The following SBF2 variants were observed in gnomAD, a reference collection of about 807,000 sequenced individuals.
SBF2 encodes SET binding factor 2.
SBF2 carries 112 observed loss-of-function variants against 225.2 expected under a neutral mutation model. That is an observed-to-expected ratio of 0.50 (90% CI 0.43 to 0.58). SBF2 has a LOEUF of 0.58. Ranked by LOEUF, SBF2 falls within the 20% of genes least tolerant of loss-of-function variation. The pLI, the probability that SBF2 is intolerant of heterozygous loss-of-function variation, is 0.00. For missense variants in SBF2, 1,996 were observed against 2,206.2 expected (o/e 0.90, Z 1.91); for synonymous variants, 763 against 773.3 (o/e 0.99, Z 0.22).
intron 16 of SBF2, among the ~76,000 whole-genome samples, chr11:9,947,886 A>C (rs945394689): frequency 1.1e-4 from 17 of 152,238 alleles, no homozygotes; most frequent in Non-Finnish European, 2.4e-4. Context: ...AGTTCCTCAA[A>C]AAATTAAAAG....
chr11:9,964,939 G>A (rs926757234), intron 14 of SBF2, among the ~76,000 whole-genome samples: 27 of 152,126 alleles, frequency 1.8e-4, no homozygotes, highest in Non-Finnish European at 3.2e-4. Context: ...GCATAGTGGT[G>A]AAGTCTGGGC....
chr11:10,190,424 C>G (rs953023508), intron 2 of SBF2, among the ~76,000 whole-genome samples: 1 of 152,136 alleles, frequency 6.6e-6, no homozygotes, highest in Non-Finnish European at 1.5e-5. Context: ...GAAAAGTAGT[C>G]ATTATGTTTG....
At chr11:10,236,008 C>G (rs1008171369) in intron 1 of SBF2, among the ~76,000 whole-genome samples, 2 of 151,888 alleles carry the variant, frequency 1.3e-5, no homozygotes, top group African/African-American at 4.8e-5. Flanking sequence ...AAAGTCAAGG[C>G]TGCAGTGAGC....
At chr11:9,967,675 G>A (rs1470142563) in intron 14 of SBF2, among the ~76,000 whole-genome samples, 2 of 152,132 alleles carry the variant, frequency 1.3e-5, no homozygotes, top group African/African-American at 4.8e-5. Flanking sequence ...CAACACTTTG[G>A]GAGGCCAAGG....
chr11:9,905,982 T>C (rs999419225), intron 16 of SBF2, among the ~76,000 whole-genome samples: 2 of 152,220 alleles, frequency 1.3e-5, no homozygotes, highest in African/African-American at 4.8e-5. Flanking sequence ...ACCGCACCTT[T>C]TTCCTATGTG....
intron 17 of SBF2, among the ~76,000 whole-genome samples, chr11:9,862,543 G>A (rs954176792): frequency 2.0e-5 from 3 of 152,114 alleles, no homozygotes; most frequent in Non-Finnish European, 4.4e-5. Flanking sequence ...ATTACTCTAC[G>A]TTGTTTCTGT....
intron 2 of SBF2, among the ~76,000 whole-genome samples, chr11:10,107,377 T>A (rs1212030344): frequency 3.3e-5 from 5 of 152,204 alleles, no homozygotes; most frequent in Admixed American, 2.6e-4. Flanking sequence ...GATCTCAAAA[T>A]AATTATACTG....
chr11:10,260,541 C>T (rs967218943), intron 1 of SBF2, among the ~76,000 whole-genome samples: 6 of 151,838 alleles, frequency 4.0e-5, no homozygotes, highest in African/African-American at 1.5e-4. Flanking sequence ...AGGATGAAAC[C>T]CCCTCTCTAC....
chr11:10,048,607 G>A (rs1356207932), intron 2 of SBF2, among the ~76,000 whole-genome samples: 2 of 152,054 alleles, frequency 1.3e-5, no homozygotes, highest in Non-Finnish European at 2.9e-5. Flanking sequence ...TAAATCAACT[G>A]GGCCTGTCAC....
chr11:9,827,286 G>A (rs1187870538), intron 28 of SBF2, among the ~76,000 whole-genome samples: 1 of 152,152 alleles, frequency 6.6e-6, no homozygotes, highest in Non-Finnish European at 1.5e-5. Context: ...CCAGCACTTT[G>A]GGAAGCCCAG....
At chr11:9,879,220 C>A (rs556026610) in intron 17 of SBF2, among the ~76,000 whole-genome samples, 1 of 152,312 alleles carries the variant, frequency 6.6e-6, no homozygotes, top group South Asian at 2.1e-4. Flanking sequence ...GAAACAGTGC[C>A]ACCTAAGCAA....
intron 2 of SBF2, among the ~76,000 whole-genome samples, chr11:10,051,740 T>C (rs982614432): frequency 6.6e-6 from 1 of 152,182 alleles, no homozygotes; most frequent in African/African-American, 2.4e-5. Flanking sequence ...TTACACAGTT[T>C]ACAAAAATTC....
upstream of SBF2, among the ~76,000 whole-genome samples, chr11:10,295,587 CAA>C (rs397938160): frequency 7.0e-6 from 1 of 142,814 alleles, no homozygotes. Flanking sequence ...ATAATTAAAC[CAA>C]AAAAAAAAAA....
intron 17 of SBF2, among the ~76,000 whole-genome samples, chr11:9,881,440 T>C (rs773317699): frequency 1.4e-4 from 22 of 152,038 alleles, no homozygotes; most frequent in Non-Finnish European, 2.9e-4. Flanking sequence ...CTGTTAATTG[T>C]TACACGCATC....
chr11:10,151,350 T>C (rs1233236644), intron 2 of SBF2, among the ~76,000 whole-genome samples: 7 of 152,212 alleles, frequency 4.6e-5, no homozygotes, highest in Admixed American at 2.0e-4. Context: ...TTGATATCTT[T>C]AATTAGGATT....
At chr11:9,988,437 C>G (rs1947283393) in intron 13 of SBF2, among the ~76,000 whole-genome samples, 1 of 152,044 alleles carries the variant, frequency 6.6e-6, no homozygotes, top group African/African-American at 2.4e-5. Context: ...TTTTGCACAG[C>G]AAAAGGAACA....
intron 2 of SBF2, among the ~76,000 whole-genome samples, chr11:10,079,580 ATT>A (rs1217353703): frequency 6.6e-6 from 1 of 152,204 alleles, no homozygotes; most frequent in African/African-American, 2.4e-5. Flanking sequence ...CAAACAAAGC[ATT>A]TGAGAAGTAT....
chr11:10,162,796 C>T (rs1220221682), intron 2 of SBF2, among the ~76,000 whole-genome samples: 1 of 152,012 alleles, frequency 6.6e-6, no homozygotes, highest in African/African-American at 2.4e-5. Context: ...AGAGAAGAAA[C>T]ATCCAAAACT....
intron 2 of SBF2, among the ~76,000 whole-genome samples, chr11:10,179,250 G>T: frequency 6.6e-6 from 1 of 151,542 alleles, no homozygotes; most frequent in East Asian, 1.9e-4. Context: ...TGCTAGATGA[G>T]GAGTTAGTGG....
Sources: gnomAD v4.1 joint callset for allele counts (sites outside exome capture counted in the v4.1 genomes callset) on GRCh38, gnomAD v4.1.1 for gene constraint, MANE v1.5 for transcripts, NCBI Gene and HGNC (gene_info 2026-07-23, HGNC 2026-07-21) for gene names.